DNAAF8: variants seen among roughly 807,000 people sequenced by gnomAD.
The protein encoded by DNAAF8 is dynein axonemal-associated protein 1.
In DNAAF8, 61 loss-of-function variants were observed where a neutral mutation model predicts 54.6. That is an observed-to-expected ratio of 1.12 (90% confidence interval 0.91 to 1.38). The LOEUF (loss-of-function observed/expected upper bound fraction) is 1.38, where lower values mean the gene tolerates loss of function less well. Among genes scored for constraint, DNAAF8 ranks in the 40% most tolerant of loss-of-function variants. DNAAF8 has a pLI of 0.00. For missense variants in DNAAF8, 837 were observed against 665.0 expected (o/e 1.26, Z -2.85); for synonymous variants, 320 against 270.1 (o/e 1.18, Z -1.81).
At chr16:4,738,066 C>T (rs2081918313) in intron 3 of DNAAF8, 120 bp downstream of exon 3, 1 of 1,271,178 alleles carries the variant, frequency 7.9e-7, no homozygotes, top group Admixed American at 2.7e-5. Flanking sequence ...TTTTTTTTTC[C>T]CCCATGTACA....
Position 4,740,242 on chromosome 16 carries a change from C to T in DNAAF8, c.366C>T (p.Asp122=). 6.2e-7 allele frequency: 1 copy of T among 1,613,994 alleles called. No homozygotes were observed. The highest frequency in any genetic ancestry group is 1.1e-5 in the South Asian group (1 of 91,084). ...TKDASSQEGR[D]PGRPFESSGE... ...ATGCATCCTCTCAGGAAGGAAGAGA[C>T]CCTGGCAGGCCTTTTGAAAGCTCTG... Residue 122 remains aspartate (D), a synonymous_variant, in exon 4 of 10, where the codon GAC becomes GAT. Coordinates refer to ENST00000299320, the MANE Select transcript of DNAAF8 (RefSeq NM_139170.3).
intron 9 of DNAAF8, chr16:4,748,489 A>G (rs2082047192): frequency 6.6e-6 from 1 of 152,186 alleles, no homozygotes; most frequent in Admixed American, 6.5e-5. Context: ...AACCCCTGGA[A>G]ATGCTGTCCT....
chr16:4,736,543 C>G lies in DNAAF8; in HGVS notation c.29C>G (p.Pro10Arg), dbSNP rs753873886. 1 of 1,570,564 alleles carries G rather than the reference C, an allele frequency of 6.4e-7. No homozygotes were observed. Among genetic ancestry groups the G allele is most frequent in the South Asian group, 1.2e-5 (1 of 85,516 alleles). Reference protein sequence around the residue: MASNDKGMAPSLGSPWASQM... With the variant: MASNDKGMARSLGSPWASQM... The stretch of plus-strand genomic sequence containing the variant: ...GCATCCAACGATAAAGGCATGGCAC[C>G]CTCGCTGGGCTCTCCCTGGGCCTCC... Residue 10 changes from proline (P) to arginine (R), a missense_variant, in exon 2 of 10, where the codon CCC becomes CGC. Transcript: ENST00000299320.
rs931228394 is a variant in DNAAF8 at position 4,735,535 on chromosome 16, C to G, written c.-52+837C>G. ...GACACTGGCTCTAGAGGACCCTCAC[C>G]CCCCAGCTCTCAAGCTCAAGCTCCC... is the stretch of plus-strand genomic sequence containing the variant. On this transcript the variant is annotated intron_variant, in intron 1 of 9. Transcript: ENST00000299320. 2.6e-5 allele frequency among the ~76,000 whole-genome samples: 4 copies of G among 152,038 alleles called. No individual in the cohort carries two copies. The East Asian group carries it at 7.7e-4, about 29-fold the overall frequency.
intron 4 of DNAAF8, among the ~76,000 whole-genome samples, chr16:4,741,432 G>C (rs1360110068): frequency 2.0e-5 from 3 of 152,166 alleles, no homozygotes; most frequent in African/African-American, 7.2e-5. Context: ...GTGAGCACCT[G>C]TTAAAAAGTT....
chr16:4,747,893 C>A (rs2082038122), intron 9 of DNAAF8, among the ~76,000 whole-genome samples: 1 of 152,162 alleles, frequency 6.6e-6, no homozygotes, highest in African/African-American at 2.4e-5. Context: ...GGGAGATGGG[C>A]AGGGACAGCA....
At chr16:4,735,562 AG>A (rs1260585201) in intron 1 of DNAAF8, among the ~76,000 whole-genome samples, 3 of 151,952 alleles carry the variant, frequency 2.0e-5, no homozygotes, top group South Asian at 2.1e-4. Context: ...CAAGCTCCCC[AG>A]CCCCCTGAAT....
At chr16:4,735,769 G>T (rs1000086207) in intron 1 of DNAAF8, among the ~76,000 whole-genome samples, 1 of 152,166 alleles carries the variant, frequency 6.6e-6, no homozygotes, top group African/African-American at 2.4e-5. Context: ...ACCAGCCTGG[G>T]CAACAGGGAG....
At chr16:4,736,254 A>T (rs2081898370) in intron 1 of DNAAF8, among the ~76,000 whole-genome samples, 1 of 150,174 alleles carries the variant, frequency 6.7e-6, no homozygotes, top group Non-Finnish European at 1.5e-5. Flanking sequence ...ATATACCTGC[A>T]GGCTCCACAT....
intron 2 of DNAAF8, among the ~76,000 whole-genome samples, chr16:4,737,326 A>T (rs1479774064): frequency 1.3e-5 from 2 of 152,170 alleles, no homozygotes; most frequent in Non-Finnish European, 2.9e-5. Context: ...AGGGGACCCC[A>T]CGCCTCAGTG....
intron 3 of DNAAF8, among the ~76,000 whole-genome samples, chr16:4,738,326 C>T (rs1447625137): frequency 6.6e-6 from 1 of 152,192 alleles, no homozygotes; most frequent in East Asian, 1.9e-4. Flanking sequence ...CATCCCAGCA[C>T]CTGGCGAGTA....
At chr16:4,745,745 G>A (rs2082006660) in intron 6 of DNAAF8, among the ~76,000 whole-genome samples, 1 of 152,178 alleles carries the variant, frequency 6.6e-6, no homozygotes, top group Non-Finnish European at 1.5e-5. Flanking sequence ...GATGTCAGGA[G>A]TTCGAGACCA....
rs764634793 is a variant in DNAAF8 at position 4,740,617 on chromosome 16, C to T, written c.741C>T (p.Pro247=). ...AGTCAGCTCCCAGATCCAAAATGCC[C>T]CTCGTGGAGCCTCCGGAGGGACCAC... ...AAESAPRSKM[P]LVEPPEGPPV... is the part of the protein sequence containing the mutation. Residue 247 remains proline, a synonymous_variant, in exon 4 of 10, where the codon CCC becomes CCT. Coordinates refer to ENST00000299320, the MANE Select transcript of DNAAF8 (RefSeq NM_139170.3). The T allele has an allele frequency of 5.6e-6, 9 of 1,611,026 alleles. No individual in the cohort carries two copies. Among genetic ancestry groups the T allele is most frequent in the Non-Finnish European group, 7.6e-6 (9 of 1,179,824 alleles).
Position 4,739,265 on chromosome 16 carries a change from G to GTTTTTTTT in DNAAF8, c.277-874_277-867dup, listed in dbSNP as rs35113323. Among the ~76,000 whole-genome samples the GTTTTTTTT allele has an allele frequency of 2.4e-3, 169 of 69,012 alleles. 9 individuals carry two copies. Among genetic ancestry groups the GTTTTTTTT allele is most frequent in the African/African-American group, 5.2e-3 (96 of 18,458 alleles). The allele number at this position is 69,012 out of a possible 152,430, so 45.3% of individuals were successfully genotyped here. The stretch of plus-strand genomic sequence containing the variant: ...AAACTCTTCTGGATGATTTTTTCTT[G>GTTTTTTTT]TTTTTTTTTTTTTTTTTTTTTGTAA... On this transcript the variant is annotated intron_variant, in intron 3 of 9. Coordinates refer to ENST00000299320, the MANE Select transcript of DNAAF8 (RefSeq NM_139170.3).
intron 6 of DNAAF8, among the ~76,000 whole-genome samples, chr16:4,745,952 C>CAAAAA (rs58259917): frequency 2.6e-5 from 3 of 113,490 alleles, no homozygotes; most frequent in Non-Finnish European, 3.5e-5. Flanking sequence ...GACTCTGTCT[C>CAAAAA]AAAAAAAAAA....
chr16:4,738,901 TAAAGA>T (rs898207904), intron 3 of DNAAF8, among the ~76,000 whole-genome samples: 19 of 151,620 alleles, frequency 1.3e-4, no homozygotes, highest in African/African-American at 4.4e-4. Flanking sequence ...AAAATAATAA[TAAAGA>T]AAAGAAAACA....
chr16:4,737,717 G>C (rs1206743235), intron 2 of DNAAF8, 83 bp from the exon 3 acceptor site: 27 of 1,507,084 alleles, frequency 1.8e-5, no homozygotes, highest in Non-Finnish European at 2.4e-5. Context: ...AAGTGAGAGT[G>C]GAGAGTGGAG....
intron 3 of DNAAF8, 167 bp downstream of exon 3, chr16:4,738,113 C>G: frequency 3.6e-6 from 3 of 838,768 alleles, no homozygotes; most frequent in Non-Finnish European, 5.4e-6. Flanking sequence ...CTAACCTCCA[C>G]GCACCTCCCT....
chr16:4,744,785 C>A (rs2081992148), intron 5 of DNAAF8, 85 bp from the exon 6 acceptor site: 1 of 1,481,928 alleles, frequency 6.7e-7, no homozygotes, highest in Admixed American at 1.8e-5. Context: ...CATGTGGAGA[C>A]CCCAGGGGTC....
Sources: allele counts gnomAD v4.1 joint callset (sites outside exome capture counted in the v4.1 genomes callset), GRCh38; gene constraint gnomAD v4.1.1; transcripts MANE v1.5; gene names NCBI Gene and HGNC (gene_info 2026-07-23, HGNC 2026-07-21).